DOP1B: variants seen among roughly 807,000 people sequenced by gnomAD.
DOP1B encodes protein DOP1B.
A neutral mutation model predicts 233.5 loss-of-function variants in DOP1B; 174 were observed. That is an observed-to-expected ratio of 0.75 (90% CI 0.66 to 0.85). The LOEUF (loss-of-function observed/expected upper bound fraction) is 0.85, where lower values mean the gene tolerates loss of function less well. Among genes scored for constraint, DOP1B ranks in the 40% least tolerant of loss-of-function variants. The pLI, the probability that DOP1B is intolerant of heterozygous loss-of-function variation, is 0.00. For synonymous variants in DOP1B, 1,190 were observed against 1,185.6 expected (o/e 1.00, Z -0.08); for missense variants, 2,652 against 2,846.6 (o/e 0.93, Z 1.56).
chr21:36,244,260 G>GATCT, intron 18 of DOP1B, among the ~76,000 whole-genome samples: 1 of 151,738 alleles, frequency 6.6e-6, no homozygotes, highest in East Asian at 1.9e-4. Flanking sequence ...GACCTCAGGT[G>GATCT]ATCTGTCCTC....
intron 23 of DOP1B, among the ~76,000 whole-genome samples, chr21:36,257,219 C>G (rs2067109024): frequency 6.6e-6 from 1 of 152,200 alleles, no homozygotes; most frequent in African/African-American, 2.4e-5. Context: ...TCCGTGGGCA[C>G]AGAACCTTCA....
At chr21:36,244,063 G>A (rs1045905945) in intron 18 of DOP1B, among the ~76,000 whole-genome samples, 3 of 110,666 alleles carry the variant, frequency 2.7e-5, no homozygotes, top group African/African-American at 7.1e-5. Flanking sequence ...GTCTCACTCT[G>A]TTGCCTAGTC....
At chr21:36,164,639 C>T (rs530207699) in intron 1 of DOP1B, 69 bp from the exon 2 acceptor site, 2 of 1,288,322 alleles carry the variant, frequency 1.6e-6, no homozygotes, top group Non-Finnish European at 2.1e-6. Context: ...TCTTCTGTAG[C>T]TCTGGGTTGG....
chr21:36,223,923 A>C (rs184044241), intron 11 of DOP1B, among the ~76,000 whole-genome samples: 198 of 152,096 alleles, frequency 1.3e-3, no homozygotes, highest in African/African-American at 4.6e-3. Flanking sequence ...GTCATGTCTC[A>C]AACCCTGTTT....
chr21:36,240,487 C>A (rs567805595), intron 18 of DOP1B, among the ~76,000 whole-genome samples: 6 of 152,252 alleles, frequency 3.9e-5, no homozygotes, highest in African/African-American at 7.2e-5. Flanking sequence ...TTCATAAATA[C>A]ATAAATAAAT....
At chr21:36,198,666 C>G (rs2066322074) in intron 2 of DOP1B, among the ~76,000 whole-genome samples, 1 of 152,178 alleles carries the variant, frequency 6.6e-6, no homozygotes, top group Admixed American at 6.5e-5. Context: ...GTGCTGTTTT[C>G]CTCCTGGAGA....
At chr21:36,179,512 C>A (rs889965965) in intron 2 of DOP1B, among the ~76,000 whole-genome samples, 1 of 152,164 alleles carries the variant, frequency 6.6e-6, no homozygotes, top group Admixed American at 6.5e-5. Context: ...ACATAAAGAT[C>A]ACTGTAAGAA....
chr21:36,203,651 G>C (rs904010222), intron 4 of DOP1B, among the ~76,000 whole-genome samples: 18 of 152,056 alleles, frequency 1.2e-4, no homozygotes, highest in Middle Eastern at 6.8e-3. Context: ...CAGTGGGGGG[G>C]GTCATGATGA....
Position 36,223,265 on chromosome 21 carries a change from G to A in DOP1B, c.1285G>A (p.Val429Ile), listed in dbSNP as rs752246408. ...IKENRNASEI[V>I]KTVNLLITSL... ...GGAAAACAGAAATGCCTCTGAGATT[G>A]TCAAAACGGTAAATTTGCTGATAAC... is the stretch of plus-strand genomic sequence containing the variant. Residue 429 changes from valine (V) to isoleucine (I), a missense_variant, in exon 11 of 37, where the codon GTC (valine) becomes ATC (isoleucine). By Grantham distance (29) the Val-to-Ile change is conservative. Coordinates refer to ENST00000691173, the MANE Select transcript of DOP1B (RefSeq NM_001320714.2). 6.2e-7 allele frequency: 1 copy of A among 1,608,430 alleles called. No homozygotes were observed. The highest frequency in any genetic ancestry group is 8.5e-7 in the Non-Finnish European group (1 of 1,178,668).
intron 2 of DOP1B, among the ~76,000 whole-genome samples, chr21:36,198,636 T>C (rs2066321777): frequency 6.6e-6 from 1 of 152,176 alleles, no homozygotes; most frequent in African/African-American, 2.4e-5. Flanking sequence ...GGACTACCAT[T>C]GCTCCAGCCC....
rs151160436 is a variant in DOP1B at position 36,200,364 on chromosome 21, G to A, written c.354G>A (p.Ala118=). Residue 118 remains alanine, a synonymous_variant, in exon 4 of 37, where the codon GCG becomes GCA. Transcript: ENST00000691173. The part of the protein sequence containing the change: ...CGLFPLLAHA[A]VSVRPVLLTL... ...TATTTCCTCTCCTGGCACACGCGGC[G>A]GTGTCGGTGAGGCCGGTGCTGCTCA... The A allele has an allele frequency of 1.3e-5, 21 of 1,608,764 alleles. 1 individual carries two copies. In the Admixed American group the frequency reaches 2.9e-4, roughly 22 times the overall value.
chr21:36,224,411 C>T (rs947423379), intron 11 of DOP1B, among the ~76,000 whole-genome samples: 1 of 151,990 alleles, frequency 6.6e-6, no homozygotes, highest in Non-Finnish European at 1.5e-5. Flanking sequence ...AACTCCTGAC[C>T]TCAAGTGATC....
At chr21:36,196,501 TA>T (rs1257719765) in intron 2 of DOP1B, among the ~76,000 whole-genome samples, 1 of 152,012 alleles carries the variant, frequency 6.6e-6, no homozygotes, top group Non-Finnish European at 1.5e-5. Context: ...GTGTGGAAGT[TA>T]AGTGGCCTCT....
At chr21:36,170,944 A>G (rs1288178410) in intron 2 of DOP1B, among the ~76,000 whole-genome samples, 1 of 152,194 alleles carries the variant, frequency 6.6e-6, no homozygotes, top group Admixed American at 6.5e-5. Flanking sequence ...AGAATTTGCA[A>G]GATACGGTTG....
At chr21:36,232,090 C>T (rs573030992) in intron 14 of DOP1B, among the ~76,000 whole-genome samples, 6 of 152,152 alleles carry the variant, frequency 3.9e-5, no homozygotes, top group South Asian at 4.1e-4. Flanking sequence ...GCGATCCACC[C>T]GCCTAGGCCT....
chr21:36,189,536 G>A (rs189098185), intron 2 of DOP1B, among the ~76,000 whole-genome samples: 330 of 151,208 alleles, frequency 2.2e-3, no homozygotes, highest in African/African-American at 7.4e-3. Context: ...GTTCGAGACC[G>A]GCCTGGCCAA....
At position 36,214,457 on chromosome 21, in the gene DOP1B, T is replaced by C. The variant is rs1360334762; in HGVS notation, c.1030T>C (p.Leu344=). The change falls in exon 9 of 37, where the codon TTG becomes CTG. Residue 344 remains leucine (L), a synonymous_variant. Coordinates refer to ENST00000691173, the MANE Select transcript of DOP1B (RefSeq NM_001320714.2). ...TAAATAATAGGGTTTGGCTGAGATATTGCATCAGAAGTTCATAGATGCTGA... is the reference window on the plus strand; with the variant it reads ...TAAATAATAGGGTTTGGCTGAGATACTGCATCAGAAGTTCATAGATGCTGA... ...DLLVEGLAEI[L]HQKFIDADVE... 6.2e-6 allele frequency: 10 copies of C among 1,612,730 alleles called. No individual in the cohort carries two copies. The highest frequency in any genetic ancestry group is 5.0e-5 in the Admixed American group (3 of 59,412).
chr21:36,170,860 A>G (rs973639464), intron 2 of DOP1B, among the ~76,000 whole-genome samples: 2 of 151,544 alleles, frequency 1.3e-5, no homozygotes, highest in Non-Finnish European at 2.9e-5. Flanking sequence ...TCCCATCCCA[A>G]GGGTCTCCTC....
chr21:36,205,493 A>G (rs1221419554), intron 4 of DOP1B, among the ~76,000 whole-genome samples: 2 of 151,954 alleles, frequency 1.3e-5, no homozygotes, highest in African/African-American at 2.4e-5. Context: ...GGTTCAAGCA[A>G]TTCTCCTGCC....
Sources: allele counts gnomAD v4.1 joint callset (sites outside exome capture counted in the v4.1 genomes callset), GRCh38; gene constraint gnomAD v4.1.1; transcripts MANE v1.5; gene names NCBI Gene and HGNC (gene_info 2026-07-23, HGNC 2026-07-21).